The following KIR3DL3 variants were observed in gnomAD, a reference collection of about 807,000 sequenced individuals.
KIR3DL3 encodes killer cell immunoglobulin-like receptor 3DL3.
Under a neutral mutation model 34.9 loss-of-function variants are expected in KIR3DL3, and 27 were observed. That is an observed-to-expected ratio of 0.77 (90% CI 0.57 to 1.07). The LOEUF is 1.07. Ranked by LOEUF, KIR3DL3 falls within the 50% of genes least tolerant of loss-of-function variation. The pLI, the probability that KIR3DL3 is intolerant of heterozygous loss-of-function variation, is 0.00. For synonymous variants in KIR3DL3, 217 were observed against 200.2 expected (o/e 1.08, Z -0.71); for missense variants, 681 against 528.5 (o/e 1.29, Z -2.83).
Position 54,735,314 on chromosome 19 carries a change from C to A in KIR3DL3, c.1011C>A (p.Ile337=), listed in dbSNP as rs373102709. Reference sequence around the variant, plus strand: ...CAGTGGTCATCATCCCCTTTGCTATCCTCCTCTTCTTTCTCCTTCATCGCT... The same window carrying A: ...CAGTGGTCATCATCCCCTTTGCTATACTCCTCTTCTTTCTCCTTCATCGCT... ...GTSVVIIPFA[I]LLFFLLHRWC... Residue 337 remains isoleucine (I), a synonymous_variant, in exon 6 of 8, where the codon ATC becomes ATA. Transcript: ENST00000291860. The A allele has an allele frequency of 6.7e-7, 1 of 1,500,598 alleles. No individual in the cohort carries two copies. Among genetic ancestry groups the A allele is most frequent in the Non-Finnish European group, 9.2e-7 (1 of 1,082,178 alleles). 93.0% of individuals were successfully genotyped at this position (1,500,598 alleles called of 1,614,324 possible).
intron 3 of KIR3DL3, among the ~76,000 whole-genome samples, 173 bp from the exon 4 acceptor site, chr19:54,727,438 G>A (rs2068308551): frequency 7.3e-6 from 1 of 137,088 alleles, no homozygotes; most frequent in Non-Finnish European, 1.6e-5. Flanking sequence ...AGGGAAGAGG[G>A]AGGGAGACAG....
Position 54,736,315 on chromosome 19 carries a change from T to G in KIR3DL3, c.*219T>G, listed in dbSNP as rs573452122. 1.5e-6 allele frequency: 1 copy of G among 650,390 alleles called. No homozygotes were observed. Among genetic ancestry groups the G allele is most frequent in the Non-Finnish European group, 2.6e-6 (1 of 377,506 alleles). 40.3% of individuals were successfully genotyped at this position (650,390 alleles called of 1,614,324 possible). A position where few individuals can be genotyped will look rare whatever the true frequency, so the allele number is the denominator to read the frequency against. ...GAATCTGAACATGCCTCTCTCTTGC[T>G]TACAAATGTCTAAGGTCCCCACTGC... On this transcript the variant is annotated 3_prime_UTR_variant, in exon 8 of 8. Transcript: ENST00000291860.
chr19:54,726,280 C>G lies in KIR3DL3; in HGVS notation c.298C>G (p.Pro100Ala), dbSNP rs1270176356. The G allele has an allele frequency of 1.3e-4, 213 of 1,613,756 alleles. No homozygotes were observed. The highest frequency in any genetic ancestry group is 1.6e-4 in the Middle Eastern group (1 of 6,084). ...GACCTACAGATGTTGCAGTTCACACCCACACTCCCCCACTGGGTGGTCGGC... is the reference window on the plus strand; with the variant it reads ...GACCTACAGATGTTGCAGTTCACACGCACACTCCCCCACTGGGTGGTCGGC... Reference protein sequence around the residue: ...AGTYRCCSSHPHSPTGWSAPS... With the variant: ...AGTYRCCSSHAHSPTGWSAPS... The change falls in exon 3 of 8, where the codon CCA (proline) becomes GCA (alanine). Residue 100 changes from proline to alanine, a missense_variant. Pro to Ala is a conservative substitution (Grantham distance 27). Transcript: ENST00000291860.
intron 5 of KIR3DL3, 95 bp from the exon 6 acceptor site, chr19:54,735,158 T>C (rs200607143): frequency 0.035 from 27,823 of 792,350 alleles, no homozygotes; most frequent in South Asian, 0.068. Context: ...TAAAGAGACG[T>C]TGTATGTGGT....
chr19:54,725,311 T>G, intron 2 of KIR3DL3, 29 bp downstream of exon 2: 1 of 1,536,938 alleles, frequency 6.5e-7, no homozygotes, highest in Non-Finnish European at 8.8e-7. Context: ...CCTTAGGTTG[T>G]CATCTCCCCA....
In KIR3DL3 at chr19:54,735,492, G is replaced by A. The variant is rs2069429273; in HGVS notation, c.1054+135G>A. 4.9e-6 allele frequency: 3 copies of A among 607,798 alleles called. 1 individual carries two copies. In the African/African-American group the frequency reaches 6.4e-5, roughly 13 times the overall value. The allele number at this position is 607,798 out of a possible 1,614,324, so 37.7% of individuals were successfully genotyped here. Reference sequence around the variant, plus strand: ...GGAGCCACAGAGGCAGGACTTTCTAGAGAGAGCACCAGACTCCCTGCCTCT... The same window carrying A: ...GGAGCCACAGAGGCAGGACTTTCTAAAGAGAGCACCAGACTCCCTGCCTCT... On this transcript the variant is annotated intron_variant, in intron 6 of 7. Coordinates refer to ENST00000291860, the MANE Select transcript of KIR3DL3 (RefSeq NM_153443.5).
chr19:54,727,153 C>A (rs2068272174), intron 3 of KIR3DL3, among the ~76,000 whole-genome samples: 3 of 131,124 alleles, frequency 2.3e-5, no homozygotes, highest in Non-Finnish European at 3.3e-5. Flanking sequence ...ATGGAGAAGG[C>A]ACAGACATGA....
rs1186569727 is a variant in KIR3DL3, at chr19:54,735,585, C to A, written c.1054+228C>A. Among the ~76,000 whole-genome samples the A allele has an allele frequency of 6.1e-5, 8 of 131,262 alleles. 1 individual carries two copies. The highest frequency in any genetic ancestry group is 6.6e-5 in the Non-Finnish European group (4 of 60,930). The allele number at this position is 131,262 out of a possible 152,430, so 86.1% of individuals were successfully genotyped here. A position where few individuals can be genotyped will look rare whatever the true frequency, so the allele number is the denominator to read the frequency against. On this transcript the variant is annotated intron_variant, in intron 6 of 7. Coordinates refer to ENST00000291860, the MANE Select transcript of KIR3DL3 (RefSeq NM_153443.5). Reference sequence around the variant, plus strand: ...TCACATCCCCTGCAGCCACTCACATCCAGGAGAAGGTTCCATGACAGGCAG... The same window carrying A: ...TCACATCCCCTGCAGCCACTCACATACAGGAGAAGGTTCCATGACAGGCAG...
At chr19:54,728,022 G>C in intron 4 of KIR3DL3, 112 bp downstream of exon 4, 6 of 1,098,058 alleles carry the variant, frequency 5.5e-6, no homozygotes, top group Non-Finnish European at 8.0e-6. Flanking sequence ...CCTATGGAGA[G>C]AAAGTGACTT....
intron 6 of KIR3DL3, 94 bp from the exon 7 acceptor site, chr19:54,735,726 A>T (rs563765694): frequency 9.8e-6 from 14 of 1,428,766 alleles, no homozygotes; most frequent in South Asian, 2.4e-5. Flanking sequence ...GACCTCAGGC[A>T]CCTATGGCCT....
In KIR3DL3 at chr19:54,736,076, C is replaced by A; in HGVS notation, c.1213C>A (p.Pro405Thr). 6.2e-7 allele frequency: 1 copy of A among 1,613,562 alleles called. No homozygotes were observed. The highest frequency in any genetic ancestry group is 8.5e-7 in the Non-Finnish European group (1 of 1,179,938). ...TRPSQRPKTPPTDTSV is the reference protein window; with the variant it reads ...TRPSQRPKTPTTDTSV Reference sequence around the variant, plus strand: ...CCCTTCTCAGAGGCCCAAGACACCCCCAACAGATACCAGCGTGTAACACGG... The same window carrying A: ...CCCTTCTCAGAGGCCCAAGACACCCACAACAGATACCAGCGTGTAACACGG... The change falls in exon 8 of 8, where the codon CCA becomes ACA. Residue 405 changes from proline (P) to threonine (T), a missense_variant. Transcript: ENST00000291860.
chr19:54,724,777 G>A (rs1008860136), intron 1 of KIR3DL3, among the ~76,000 whole-genome samples: 14 of 150,054 alleles, frequency 9.3e-5, no homozygotes, highest in Admixed American at 8.0e-4. Flanking sequence ...ATATGGGCCT[G>A]GAGTGGAGAT....
intron 3 of KIR3DL3, among the ~76,000 whole-genome samples, chr19:54,727,117 G>A (rs1238433227): frequency 7.3e-6 from 1 of 137,268 alleles, no homozygotes; most frequent in African/African-American, 2.7e-5. Flanking sequence ...ACCAGCACCA[G>A]GGGCCACCCT....
chr19:54,724,472 G>A lies in KIR3DL3; in HGVS notation c.-25G>A. On this transcript the variant is annotated 5_prime_UTR_variant, in exon 1 of 8. Coordinates refer to ENST00000291860, the MANE Select transcript of KIR3DL3 (RefSeq NM_153443.5). ...TGCTGCTGAACTGAGCTGGGGCGCA[G>A]CCGCCTGTCTGCACCGGCAGCACCA... 1 of 1,612,962 alleles carries A rather than the reference G, an allele frequency of 6.2e-7. No individual in the cohort carries two copies. Among genetic ancestry groups the A allele is most frequent in the African/African-American group, 1.3e-5 (1 of 75,036 alleles).
At chr19:54,729,114 G>C (rs944821143) in intron 4 of KIR3DL3, among the ~76,000 whole-genome samples, 5 of 148,856 alleles carry the variant, frequency 3.4e-5, no homozygotes, top group Admixed American at 2.7e-4. Flanking sequence ...ATAGATGATA[G>C]ATACATACAT....
chr19:54,734,252 C>G (rs1181517044), intron 5 of KIR3DL3, among the ~76,000 whole-genome samples: 1 of 151,606 alleles, frequency 6.6e-6, no homozygotes, highest in African/African-American at 2.4e-5. Context: ...AGAGAAGATT[C>G]TAAACACCTC....
chr19:54,726,230 G>T lies in KIR3DL3; in HGVS notation c.248G>T (p.Gly83Val). ...ATATTCCGGAACAGCTTTCTCATGG[G>T]CCCTGTGACCCCAGCACATGCAGGG... is the stretch of plus-strand genomic sequence containing the variant. ...NRIFRNSFLM[G>V]PVTPAHAGTY... The change falls in exon 3 of 8, where the codon GGC becomes GTC. Residue 83 changes from glycine (G) to valine (V), a missense_variant. Transcript: ENST00000291860. The T allele has an allele frequency of 6.2e-7, 1 of 1,613,790 alleles. No homozygotes were observed. The highest frequency in any genetic ancestry group is 1.1e-5 in the South Asian group (1 of 91,048).
At chr19:54,734,930 C>T (rs2069296537) in intron 5 of KIR3DL3, among the ~76,000 whole-genome samples, 1 of 141,704 alleles carries the variant, frequency 7.1e-6, no homozygotes, top group Non-Finnish European at 1.5e-5. Flanking sequence ...AACCCCGTCT[C>T]CTTGGAACAG....
At chr19:54,724,562 C>G (rs1356837414) in intron 1 of KIR3DL3, 32 bp downstream of exon 1, 4 of 1,591,938 alleles carry the variant, frequency 2.5e-6, no homozygotes, top group Admixed American at 1.7e-5. Flanking sequence ...AGGGAGGGAG[C>G]GCTGGGGTGG....
Sources: allele counts gnomAD v4.1 joint callset (sites outside exome capture counted in the v4.1 genomes callset), GRCh38; gene constraint gnomAD v4.1.1; transcripts MANE v1.5; gene names NCBI Gene and HGNC (gene_info 2026-07-23, HGNC 2026-07-21).